The following NLRP5 variants were observed in gnomAD, a reference collection of about 807,000 sequenced individuals.
NLRP5 encodes NLR family pyrin domain containing 5.
Under a neutral mutation model 113.1 loss-of-function variants are expected in NLRP5, and 93 were observed. The ratio of observed to expected loss-of-function variants is 0.82; its 90% CI spans 0.70 to 0.98. The LOEUF (loss-of-function observed/expected upper bound fraction) is 0.98. Ranked by LOEUF, NLRP5 falls within the 50% of genes least tolerant of loss-of-function variation. The probability of loss-of-function intolerance (pLI) is 0.00; values close to 1 mark genes in which losing one functional copy is unlikely to be tolerated. For synonymous variants in NLRP5, 751 were observed against 600.7 expected (o/e 1.25, Z -3.66); for missense variants, 1,808 against 1,514.3 (o/e 1.19, Z -3.22).
intron 7 of NLRP5, among the ~76,000 whole-genome samples, chr19:56,031,464 A>C (rs1983110705): frequency 6.6e-6 from 1 of 151,916 alleles, no homozygotes; most frequent in African/African-American, 2.4e-5. Context: ...CCCCATCTCT[A>C]CTAAAAAAAT....
chr19:56,009,694 A>G (rs1323045171), intron 3 of NLRP5, among the ~76,000 whole-genome samples: 2 of 152,200 alleles, frequency 1.3e-5, no homozygotes, highest in African/African-American at 4.8e-5. Context: ...GGCAGGCTGC[A>G]TAGACACCAT....
intron 6 of NLRP5, among the ~76,000 whole-genome samples, chr19:56,024,562 T>TAC (rs2123299728): frequency 7.0e-6 from 1 of 142,550 alleles, no homozygotes; most frequent in African/African-American, 2.6e-5. Context: ...TGTATATATG[T>TAC]ATATATACAC....
At chr19:56,058,725 G>T (rs1984248753) in intron 14 of NLRP5, among the ~76,000 whole-genome samples, 1 of 152,204 alleles carries the variant, frequency 6.6e-6, no homozygotes, top group South Asian at 2.1e-4. Context: ...TTACTTCTGA[G>T]TATGTTACCC....
rs57420626 is a variant in NLRP5, at chr19:56,048,966, A to ATT, written c.2958-1442_2958-1441dup. Among the ~76,000 whole-genome samples the ATT allele has an allele frequency of 3.0e-3, 329 of 108,268 alleles. 3 individuals are homozygous for ATT. The highest frequency in any genetic ancestry group is 0.01 in the African/African-American group (287 of 28,486). The allele number at this position is 108,268 out of a possible 152,430, so 71.0% of individuals were successfully genotyped here. ...TCAAAGACCTTGACTTCAAGCTCTG[A>ATT]TTTTTTTTTTTAATTTTTTTTTTTT... On this transcript the variant is annotated intron_variant, in intron 11 of 14. Transcript: ENST00000390649.
chr19:56,058,890 A>G (rs1471443881), intron 14 of NLRP5, among the ~76,000 whole-genome samples: 1 of 152,188 alleles, frequency 6.6e-6, no homozygotes, highest in African/African-American at 2.4e-5. Flanking sequence ...ATTCAGTCTC[A>G]AAAAGAAAAT....
the NLRP5 span, among the ~76,000 whole-genome samples, chr19:55,988,828 C>T: frequency 6.6e-6 from 1 of 152,140 alleles, no homozygotes; most frequent in Non-Finnish European, 1.5e-5. Flanking sequence ...TTCTTAATTT[C>T]ATTGCCTAAG....
chr19:56,004,912 G>C (rs1012211361), intron 2 of NLRP5, among the ~76,000 whole-genome samples: 1 of 151,604 alleles, frequency 6.6e-6, no homozygotes. Context: ...GGCCAACATG[G>C]AGAAACCCCG....
chr19:56,053,632 T>C lies in NLRP5; in HGVS notation c.3129-6T>C. On this transcript the variant is annotated splice_polypyrimidine_tract_variant and splice_region_variant and intron_variant, in intron 12 of 14. Coordinates refer to ENST00000390649, the MANE Select transcript of NLRP5 (RefSeq NM_153447.4). The stretch of plus-strand genomic sequence containing the variant: ...GCAGACTCTCTCTATTCCCCGCCTC[T>C]TGCAGGTTGGTAAAGTGTCATCTCA... 1 of 1,611,762 alleles carries C rather than the reference T, an allele frequency of 6.2e-7. No individual in the cohort carries two copies. Among genetic ancestry groups the C allele is most frequent in the Non-Finnish European group, 8.5e-7 (1 of 1,178,540 alleles).
At chr19:56,029,477 G>A (rs1265007089) in intron 7 of NLRP5, among the ~76,000 whole-genome samples, 1 of 151,764 alleles carries the variant, frequency 6.6e-6, no homozygotes, top group Non-Finnish European at 1.5e-5. Context: ...TGTTGGCCAG[G>A]CTGATCTCGA....
the NLRP5 span, chr19:55,988,475 A>G: frequency 9.4e-6 from 1 of 106,140 alleles, no homozygotes; most frequent in Non-Finnish European, 2.0e-5. Context: ...TATATGCTAT[A>G]TAAAGTTTAA....
chr19:56,001,435 GACTCTCCTAATTACT>G (rs59093889), intron 1 of NLRP5, among the ~76,000 whole-genome samples: 80,666 of 151,448 alleles, frequency 0.53, 21,785 homozygotes, highest in East Asian at 0.86. Context: ...ATTTTCTTCT[GACTCTCCTAATTACT>G]TGAAATTTTA....
In NLRP5 at chr19:56,028,452, T is replaced by C; in HGVS notation, c.2219T>C (p.Val740Ala). ...TATTTGCGGAAAATTCGGGTGGATG[T>C]CAAAGGGATCTTCCCAAGAGATGAG... Residue 740 changes from valine (V) to alanine (A), a missense_variant, in exon 7 of 15, where the codon GTC (valine) becomes GCC (alanine). Coordinates refer to ENST00000390649, the MANE Select transcript of NLRP5 (RefSeq NM_153447.4). 6.2e-7 allele frequency: 1 copy of C among 1,613,896 alleles called. No individual in the cohort carries two copies. Among genetic ancestry groups the C allele is most frequent in the Non-Finnish European group, 8.5e-7 (1 of 1,179,898 alleles).
intron 11 of NLRP5, 83 bp downstream of exon 11, chr19:56,041,175 G>GA (rs1983509406): frequency 6.6e-6 from 9 of 1,373,568 alleles, no homozygotes; most frequent in African/African-American, 2.8e-5. Context: ...AGGCAGTGGG[G>GA]AGGGGGTGTG....
Position 56,027,578 on chromosome 19 carries a change from C to G in NLRP5, c.1345C>G (p.His449Asp). 1 of 1,613,910 alleles carries G rather than the reference C, an allele frequency of 6.2e-7. No homozygotes were observed. The highest frequency in any genetic ancestry group is 8.5e-7 in the Non-Finnish European group (1 of 1,179,880). ...GCTCCTTGAGCGCGGGATTGGTGAGCATCAGAAGACACAAGGGTTGCGTGC... is the reference window on the plus strand; with the variant it reads ...GCTCCTTGAGCGCGGGATTGGTGAGGATCAGAAGACACAAGGGTTGCGTGC... Residue 449 changes from histidine (H) to aspartate (D), a missense_variant, in exon 7 of 15, where the codon CAT (histidine) becomes GAT (aspartate). His to Asp is a moderately conservative substitution (Grantham distance 81). Transcript: ENST00000390649.
chr19:56,055,769 T>C (rs955939567), intron 13 of NLRP5, among the ~76,000 whole-genome samples: 4 of 151,664 alleles, frequency 2.6e-5, no homozygotes, highest in Non-Finnish European at 5.9e-5. Context: ...ATGGTCTCAA[T>C]CTCCTGACCT....
intron 11 of NLRP5, among the ~76,000 whole-genome samples, chr19:56,043,542 CTTTTTT>C (rs369622191): frequency 3.2e-5 from 3 of 92,934 alleles, no homozygotes; most frequent in African/African-American, 1.1e-4. Context: ...CTCTGCTATT[CTTTTTT>C]TTTTTTTTTT....
rs1599901585 is a variant in NLRP5 at position 56,039,104 on chromosome 19, G to T, written c.2786+909G>T. Among the ~76,000 whole-genome samples the T allele has an allele frequency of 3.3e-5, 5 of 151,852 alleles. No individual in the cohort carries two copies. The South Asian group carries it at 1.0e-3, about 32-fold the overall frequency. ...AAAATCCCTCCAACCCTTCCTCGCT[G>T]AGTTCTCAAAACAGGTCTACGGAGC... On this transcript the variant is annotated intron_variant, in intron 10 of 14. Coordinates refer to ENST00000390649, the MANE Select transcript of NLRP5 (RefSeq NM_153447.4).
chr19:56,028,796 C>T (rs965274552), intron 7 of NLRP5, among the ~76,000 whole-genome samples: 2 of 152,158 alleles, frequency 1.3e-5, no homozygotes, highest in African/African-American at 4.8e-5. Flanking sequence ...GTCAGAGTCT[C>T]ACTCTGTTGC....
intron 2 of NLRP5, among the ~76,000 whole-genome samples, chr19:56,007,751 A>AGAG (rs58273585): frequency 0.036 from 5,341 of 148,206 alleles, 556 homozygotes; most frequent in African/African-American, 0.12. Flanking sequence ...GAATAAACAC[A>AGAG]GGGAGACGAG....
Sources: allele counts gnomAD v4.1 joint callset (sites outside exome capture counted in the v4.1 genomes callset), GRCh38; gene constraint gnomAD v4.1.1; transcripts MANE v1.5; gene names NCBI Gene and HGNC (gene_info 2026-07-23, HGNC 2026-07-21).